Variants in MED12 observed in about 807,000 individuals in gnomAD.
MED12 encodes the protein mediator of RNA polymerase II transcription subunit 12.
MED12 carries 10 observed loss-of-function variants against 177.7 expected under a neutral mutation model. The observed-to-expected ratio is 0.06, with a 90% CI of 0.03 to 0.10. The LOEUF (loss-of-function observed/expected upper bound fraction) is 0.10. MED12 is among the 10% of genes least tolerant of loss of function. The pLI, the probability that MED12 is intolerant of heterozygous loss-of-function variation, is 1.00. For missense variants in MED12, 867 were observed against 1,780.8 expected, an observed-to-expected ratio of 0.49 and a Z score of 9.23; for synonymous variants, 641 against 678.4, an observed-to-expected ratio of 0.94 and a Z score of 0.86.
intron 13 of MED12, 124 bp from the exon 14 acceptor site, chrX:71,124,640 T>C: frequency 1.7e-6 from 1 of 587,473 alleles, no homozygotes; most frequent in South Asian, 2.4e-5. Context: ...GGATGAGGCT[T>C]GACTCCAGAT....
intron 20 of MED12, 27 bp downstream of exon 20, chrX:71,127,159 A>G: frequency 8.3e-7 from 1 of 1,197,687 alleles, no homozygotes; most frequent in Non-Finnish European, 1.1e-6. Context: ...AATAACTGAA[A>G]CAAAGCTCTG....
chrX:71,141,638 A>T (rs986030295), intron 43 of MED12, among the ~76,000 whole-genome samples: 1 of 111,271 alleles, frequency 9.0e-6, no homozygotes, highest in Non-Finnish European at 1.9e-5. Flanking sequence ...AAAATACAAA[A>T]AATAATAATA....
intron 12 of MED12, 123 bp downstream of exon 12, chrX:71,123,843 CT>C: frequency 2.6e-6 from 2 of 757,215 alleles, no homozygotes; most frequent in Non-Finnish European, 2.0e-6. Context: ...TGCAGAATGA[CT>C]TTTAGATGTA....
In MED12 at chrX:71,123,230, A is replaced by G; in HGVS notation, c.1617+4A>G. ...ACAGGCGGAGATTGAGGCTGAGGTT[A>G]GAGGGCAGAGATAAGAGAACAAGAT... is the stretch of plus-strand genomic sequence containing the variant. On this transcript the variant is annotated splice_donor_region_variant and intron_variant, in intron 11 of 44. Coordinates refer to ENST00000374080, the MANE Select transcript of MED12 (RefSeq NM_005120.3). 1 of 1,211,496 alleles carries G rather than the reference A, an allele frequency of 8.3e-7. No homozygotes were observed. Among genetic ancestry groups the G allele is most frequent in the Non-Finnish European group, 1.1e-6 (1 of 895,364 alleles).
At chrX:71,119,964 G>A (rs1314461021) in intron 3 of MED12, 50 bp from the exon 4 acceptor site, 5 of 1,203,429 alleles carry the variant, frequency 4.2e-6, no homozygotes, top group Non-Finnish European at 5.6e-6. Flanking sequence ...CTACATGGGT[G>A]TCAGCTCATG....
Position 71,137,922 on chromosome X carries a change from A to G in MED12, c.6023A>G (p.His2008Arg). Residue 2008 changes from histidine (H) to arginine (R), a missense_variant, in exon 41 of 45, where the codon CAT (histidine) becomes CGT (arginine). Around this residue, in one of 14 missense-constraint regions of MED12, gnomAD observed 236 missense variants for 345.2 expected, o/e 0.68. Transcript: ENST00000374080. ...CACCAGCAGGCCCCCACCTATGGAC[A>G]TGGACTGACCTCCACTCAAAGGTAC... is the stretch of plus-strand genomic sequence containing the variant. ...YVHQQAPTYG[H>R]GLTSTQRFSH... 2.5e-6 allele frequency: 3 copies of G among 1,211,636 alleles called. No individual in the cohort carries two copies. Among genetic ancestry groups the G allele is most frequent in the Non-Finnish European group, 3.4e-6 (3 of 895,313 alleles).
At position 71,119,887 on chromosome X, in the gene MED12, T is replaced by C; in HGVS notation, c.396+10T>C. 2 of 1,211,075 alleles carry C rather than the reference T, an allele frequency of 1.7e-6. No individual in the cohort carries two copies. Among genetic ancestry groups the C allele is most frequent in the Non-Finnish European group, 1.1e-6 (1 of 894,982 alleles). On this transcript the variant is annotated intron_variant, in intron 3 of 44. Transcript: ENST00000374080. ...GCAACTAGCCAAAAAGGTAAGGTAC[T>C]GTTTCCTGTCCTTCAGGCCAAGGAG...
In MED12 at chrX:71,121,314, CT is replaced by C; in HGVS notation, c.736-12del. The C allele has an allele frequency of 8.3e-7, 1 of 1,207,168 alleles. No homozygotes were observed. Among genetic ancestry groups the C allele is most frequent in the South Asian group, 1.8e-5 (1 of 56,874 alleles). On this transcript the variant is annotated splice_polypyrimidine_tract_variant and intron_variant, in intron 5 of 44. Transcript: ENST00000374080. Reference sequence around the variant, plus strand: ...CTCTAATAGTCCCCTCTTCCCTCCCCTGGTACCCATAGGATGGAATGCTGGA... The same window carrying C: ...CTCTAATAGTCCCCTCTTCCCTCCCCGGTACCCATAGGATGGAATGCTGGA...
At chrX:71,138,098 T>G (rs1279381116) in intron 41 of MED12, among the ~76,000 whole-genome samples, 155 bp downstream of exon 41, 4 of 111,815 alleles carry the variant, frequency 3.6e-5, no homozygotes, top group African/African-American at 1.3e-4. Flanking sequence ...CACAGAAGTC[T>G]CGAGCTGGAA....
chrX:71,131,750 A>T, intron 29 of MED12, 129 bp downstream of exon 29: 2 of 657,161 alleles, frequency 3.0e-6, no homozygotes, highest in Admixed American at 5.2e-5. Flanking sequence ...AGGGGATGGG[A>T]AAATGGTGAA....
intron 16 of MED12, 21 bp from the exon 17 acceptor site, chrX:71,125,642 C>A: frequency 1.6e-6 from 1 of 612,497 alleles, no homozygotes; most frequent in Non-Finnish European, 2.5e-6. Context: ...AAACTTCCCC[C>A]CTCATTCCCC....
chrX:71,123,441 G>A (rs1210800779), intron 11 of MED12, among the ~76,000 whole-genome samples, 153 bp from the exon 12 acceptor site: 1 of 111,418 alleles, frequency 9.0e-6, no homozygotes, highest in African/African-American at 3.3e-5. Context: ...CAAGGCTTCA[G>A]TTGGGAGGTG....
intron 41 of MED12, among the ~76,000 whole-genome samples, chrX:71,138,354 C>T (rs891252488): frequency 1.1e-4 from 12 of 110,225 alleles, no homozygotes; most frequent in Admixed American, 5.8e-4. Flanking sequence ...GAAACAGAGT[C>T]GCACTCCATT....
In MED12 at chrX:71,136,129, C is replaced by G. The variant is rs1303447725; in HGVS notation, c.5026-152C>G. ...ACTCTCTCCCCGCATAACTCTCTTC[C>G]GCATGTATATGTGTATCCATGTCTG... is the stretch of plus-strand genomic sequence containing the variant. On this transcript the variant is annotated intron_variant, in intron 36 of 44. Coordinates refer to ENST00000374080, the MANE Select transcript of MED12 (RefSeq NM_005120.3). 3.7e-5 allele frequency: 24 copies of G among 652,205 alleles called. No homozygotes were observed. In the East Asian group the frequency reaches 7.9e-4, roughly 21 times the overall value. The allele number at this position is 652,205 out of a possible 1,213,427, so 53.7% of individuals were successfully genotyped here. A position where few individuals can be genotyped will look rare whatever the true frequency, so the allele number is the denominator to read the frequency against.
rs1458218172 is a variant in MED12 at position 71,118,610 on chromosome X, G to T, written c.-145G>T. On this transcript the variant is annotated 5_prime_UTR_variant, in exon 1 of 45. Transcript: ENST00000374080. ...CTTCCCTCGGTAGTTTCCGGCAATGGTCGAGAGTTTCTAACGTGCCCCCTT... is the reference window on the plus strand; with the variant it reads ...CTTCCCTCGGTAGTTTCCGGCAATGTTCGAGAGTTTCTAACGTGCCCCCTT... The T allele has an allele frequency of 1.7e-5, 9 of 529,673 alleles. No individual in the cohort carries two copies. The highest frequency in any genetic ancestry group is 2.7e-5 in the Non-Finnish European group (8 of 301,876). 43.7% of individuals were successfully genotyped at this position (529,673 alleles called of 1,213,427 possible).
In MED12 at chrX:71,122,284, C is replaced by T; in HGVS notation, c.1186C>T (p.His396Tyr). ...SRIKTGSPLD[H>Y]LPIAPSNLPM... ...AATTAAGACCGGCTCACCACTTGAC[C>T]ACTTGCCTATTGCCCCGTCCAACCT... The change falls in exon 8 of 45, where the codon CAC becomes TAC. Residue 396 changes from histidine to tyrosine, a missense_variant. Transcript: ENST00000374080. 1 of 1,211,806 alleles carries T rather than the reference C, an allele frequency of 8.3e-7. No individual in the cohort carries two copies. Among genetic ancestry groups the T allele is most frequent in the South Asian group, 1.8e-5 (1 of 56,999 alleles).
chrX:71,130,984 CAACTTT>C (rs1295693988), intron 28 of MED12, among the ~76,000 whole-genome samples: 4 of 112,198 alleles, frequency 3.6e-5, no homozygotes, highest in Admixed American at 2.8e-4. Context: ...AAGCAGGCTT[CAACTTT>C]AACATCAAGG....
Position 71,123,130 on chromosome X carries a change from A to G in MED12, c.1521A>G (p.Leu507=). The part of the protein sequence containing the change: ...SSDDDAVVSL[L]CEWAVSCKRS... The stretch of plus-strand genomic sequence containing the variant: ...ATGATGATGCTGTGGTGTCATTGCT[A>G]TGTGAATGGGCTGTCAGCTGCAAGC... The change falls in exon 11 of 45, where the codon CTA becomes CTG. Residue 507 remains leucine (L), a synonymous_variant. Coordinates refer to ENST00000374080, the MANE Select transcript of MED12 (RefSeq NM_005120.3). 2 of 1,210,670 alleles carry G rather than the reference A, an allele frequency of 1.7e-6. No individual in the cohort carries two copies. Among genetic ancestry groups the G allele is most frequent in the South Asian group, 1.8e-5 (1 of 56,959 alleles).
At position 71,137,954 on chromosome X, in the gene MED12, T is replaced by C; in HGVS notation, c.6044+11T>C. 1 of 1,200,878 alleles carries C rather than the reference T, an allele frequency of 8.3e-7. No individual in the cohort carries two copies. Among genetic ancestry groups the C allele is most frequent in the South Asian group, 1.8e-5 (1 of 56,724 alleles). ...GACCTCCACTCAAAGGTACCCAAAG[T>C]AGTGGTGAGCTAGGAAGAGATGCAG... On this transcript the variant is annotated intron_variant, in intron 41 of 44. Coordinates refer to ENST00000374080, the MANE Select transcript of MED12 (RefSeq NM_005120.3).
Sources: allele counts gnomAD v4.1 joint callset (sites outside exome capture counted in the v4.1 genomes callset), GRCh38; gene constraint gnomAD v4.1.1; regional missense constraint gnomAD v4.1.1; transcripts MANE v1.5; gene names NCBI Gene and HGNC (gene_info 2026-07-23, HGNC 2026-07-21).